Variants in ATRN observed in about 807,000 individuals in gnomAD.
ATRN encodes the protein attractin.
A neutral mutation model predicts 178.7 loss-of-function variants in ATRN; 54 were observed. The observed-to-expected ratio is 0.30, with a 90% confidence interval of 0.24 to 0.38. The LOEUF (loss-of-function observed/expected upper bound fraction) is 0.38. Among genes scored for constraint, ATRN ranks in the 10% least tolerant of loss-of-function variants. The pLI is 1.00. For missense variants in ATRN, 1,443 were observed against 1,815.1 expected, an observed-to-expected ratio of 0.79 and a Z score of 3.73; for synonymous variants, 636 against 663.0, an observed-to-expected ratio of 0.96 and a Z score of 0.63.
intron 25 of ATRN, chr20:3,628,955 C>G (rs961294802): frequency 1.0e-6 from 1 of 985,296 alleles, no homozygotes; most frequent in East Asian, 1.1e-4. Context: ...TCTGCCTTCC[C>G]CATCTGCAGC....
intron 1 of ATRN, among the ~76,000 whole-genome samples, chr20:3,522,152 T>C (rs2085304622): frequency 6.6e-6 from 1 of 152,116 alleles, no homozygotes; most frequent in African/African-American, 2.4e-5. Flanking sequence ...ATTTGGAAAT[T>C]AAGCAACATC....
chr20:3,576,162 A>G (rs541599855), intron 13 of ATRN, among the ~76,000 whole-genome samples: 41 of 152,282 alleles, frequency 2.7e-4, no homozygotes, highest in African/African-American at 9.1e-4. Flanking sequence ...GTGTTTTAGA[A>G]GAAGGTAGGA....
chr20:3,490,992 A>C (rs577586504), intron 1 of ATRN: 1 of 1,527,382 alleles, frequency 6.5e-7, no homozygotes, highest in Non-Finnish European at 9.0e-7. Flanking sequence ...CTGCTGCTCC[A>C]GTATTGTCTC....
rs547408451 is a variant in ATRN, at chr20:3,515,258, G to T, written c.411-19995G>T. On this transcript the variant is annotated intron_variant, in intron 1 of 28. Transcript: ENST00000262919. The stretch of plus-strand genomic sequence containing the variant: ...TTTACTTGGAATAATCAGGAGAATG[G>T]TGTTACCATTCTAGAGATGAAAATT... Among the ~76,000 whole-genome samples, 12 of 139,314 alleles carry T rather than the reference G, an allele frequency of 8.6e-5. No individual in the cohort carries two copies. In the South Asian group the frequency reaches 2.5e-3, roughly 29 times the overall value. 91.4% of individuals were successfully genotyped at this position (139,314 alleles called of 152,430 possible).
chr20:3,514,469 C>T (rs1409369720), intron 1 of ATRN, among the ~76,000 whole-genome samples: 1 of 152,120 alleles, frequency 6.6e-6, no homozygotes, highest in Non-Finnish European at 1.5e-5. Context: ...AGAATATTTG[C>T]AGACTGTGTT....
intron 1 of ATRN, among the ~76,000 whole-genome samples, chr20:3,512,715 G>C (rs1396150545): frequency 1.3e-5 from 2 of 152,172 alleles, no homozygotes; most frequent in East Asian, 3.9e-4. Flanking sequence ...CTAGTTTACA[G>C]TCCCACCAAC....
At chr20:3,556,465 T>C (rs1342111076) in intron 6 of ATRN, among the ~76,000 whole-genome samples, 5 of 152,168 alleles carry the variant, frequency 3.3e-5, no homozygotes, top group Admixed American at 6.5e-5. Flanking sequence ...CCTTGGTCTT[T>C]AGGTGGCCCG....
Position 3,471,210 on chromosome 20 carries a change from G to C in ATRN, c.103G>C (p.Val35Leu). The change falls in exon 1 of 29, where the codon GTG becomes CTG. Residue 35 changes from valine to leucine, a missense_variant. Coordinates refer to ENST00000262919, the MANE Select transcript of ATRN (RefSeq NM_139321.3). ...CGGCGGGCCGCACTGGGACTGGGAC[G>C]TGACCAGGGCTGGGAGGCCGGGGCT... ...RSGGPHWDWD[V>L]TRAGRPGLGA... is the part of the protein sequence containing the mutation. The C allele has an allele frequency of 6.7e-7, 1 of 1,491,500 alleles. No homozygotes were observed. Among genetic ancestry groups the C allele is most frequent in the Non-Finnish European group, 8.9e-7 (1 of 1,127,782 alleles). 92.4% of individuals were successfully genotyped at this position (1,491,500 alleles called of 1,614,324 possible).
At chr20:3,531,760 G>A (rs2085456195) in intron 1 of ATRN, among the ~76,000 whole-genome samples, 1 of 152,092 alleles carries the variant, frequency 6.6e-6, no homozygotes. Context: ...GTTTACCTTG[G>A]TCAAGGGTGG....
At chr20:3,540,356 C>T (rs2085600651) in intron 3 of ATRN, 21 bp downstream of exon 3, 1 of 1,423,258 alleles carries the variant, frequency 7.0e-7, no homozygotes, top group South Asian at 1.2e-5. Flanking sequence ...TCTTACAAGC[C>T]TTCTTTCATC....
Position 3,645,881 on chromosome 20 carries a change from T to G in ATRN, c.4166-842T>G, listed in dbSNP as rs147509065. On this transcript the variant is annotated intron_variant, in intron 28 of 28. Transcript: ENST00000262919. This position sits in a 1 kb window ranked among gnomAD's most constrained non-coding sequence, Gnocchi z 4.7. ...TTCCCACGTATATTAGGAATCCAGC[T>G]CCCCCAGAACCGTGCCTTCCCTAAT... 6.6e-6 allele frequency among the ~76,000 whole-genome samples: 1 copy of G among 151,720 alleles called. No individual in the cohort carries two copies. The highest frequency in any genetic ancestry group is 2.1e-4 in the South Asian group (1 of 4,818).
At chr20:3,543,491 G>A (rs1434811000) in intron 3 of ATRN, among the ~76,000 whole-genome samples, 1 of 152,138 alleles carries the variant, frequency 6.6e-6, no homozygotes, top group Non-Finnish European at 1.5e-5. Flanking sequence ...GGAGGCCGAG[G>A]TGGGCGGATT....
chr20:3,546,017 A>C, intron 4 of ATRN, 127 bp downstream of exon 4: 54 of 1,055,206 alleles, frequency 5.1e-5, no homozygotes, highest in Non-Finnish European at 6.3e-5. Flanking sequence ...GGATTTTCTC[A>C]TTTAAAATTC....
rs1364167520 is a variant in ATRN at position 3,645,683 on chromosome 20, T to C, written c.4166-1040T>C. Among the ~76,000 whole-genome samples, 2 of 152,134 alleles carry C rather than the reference T, an allele frequency of 1.3e-5. No homozygotes were observed. ...TTGCTGCCCCTTCTGTACCCCCTGT[T>C]TTAAGTGGTGCCCTTTTCTAGGCTC... On this transcript the variant is annotated intron_variant, in intron 28 of 28. Coordinates refer to ENST00000262919, the MANE Select transcript of ATRN (RefSeq NM_139321.3). This position sits in a 1 kb window ranked among gnomAD's most constrained non-coding sequence, Gnocchi z 4.7.
intron 2 of ATRN, among the ~76,000 whole-genome samples, chr20:3,539,196 A>G (rs1044318118): frequency 6.6e-6 from 1 of 152,208 alleles, no homozygotes; most frequent in Non-Finnish European, 1.5e-5. Context: ...GGATATAATG[A>G]TGTTGATATT....
In ATRN at chr20:3,645,808, C is replaced by T. The variant is rs73581445; in HGVS notation, c.4166-915C>T. Among the ~76,000 whole-genome samples, 4,811 of 151,746 alleles carry T rather than the reference C, an allele frequency of 0.032. 239 individuals carry two copies. Among genetic ancestry groups the T allele is most frequent in the African/African-American group, 0.11 (4,509 of 41,286 alleles). ...CAAGGCAAGTAACACGCTCCACTAA[C>T]ACAACTCCTGGCAGGTCTCAGCAGA... On this transcript the variant is annotated intron_variant, in intron 28 of 28. Coordinates refer to ENST00000262919, the MANE Select transcript of ATRN (RefSeq NM_139321.3). This position sits in a 1 kb window ranked among gnomAD's most constrained non-coding sequence, Gnocchi z 4.7.
At chr20:3,479,179 C>T (rs757648906) in intron 1 of ATRN, among the ~76,000 whole-genome samples, 9 of 152,190 alleles carry the variant, frequency 5.9e-5, no homozygotes, top group Non-Finnish European at 1.0e-4. Context: ...GCATGAGCCA[C>T]TGCACCTGAC....
chr20:3,604,364 G>A, intron 24 of ATRN, 102 bp downstream of exon 24: 1 of 1,359,632 alleles, frequency 7.4e-7, no homozygotes, highest in Admixed American at 2.4e-5. Flanking sequence ...GATGTGCAAT[G>A]TGGCTTTGCC....
In ATRN at chr20:3,512,586, G is replaced by A. The variant is rs1341794532; in HGVS notation, c.411-22667G>A. On this transcript the variant is annotated intron_variant, in intron 1 of 28. Transcript: ENST00000262919. ...TAAACATACGTGTGCATGTGTCTTT[G>A]TAGCAGCATGATTTATATTCCTTTG... is the stretch of plus-strand genomic sequence containing the variant. 8.5e-5 allele frequency among the ~76,000 whole-genome samples: 13 copies of A among 152,114 alleles called. No individual in the cohort carries two copies. The East Asian group carries it at 1.7e-3, about 20-fold the overall frequency.
Sources: allele counts gnomAD v4.1 joint callset (sites outside exome capture counted in the v4.1 genomes callset), GRCh38; gene constraint gnomAD v4.1.1; non-coding constraint Gnocchi (gnomAD v3.1); transcripts MANE v1.5; gene names NCBI Gene and HGNC (gene_info 2026-07-23, HGNC 2026-07-21).